Variants in SPAM1 observed in about 807,000 individuals in gnomAD.
SPAM1 encodes sperm adhesion molecule 1.
Under a neutral mutation model 29.6 loss-of-function variants are expected in SPAM1, and 22 were observed. That is an observed-to-expected ratio of 0.74 (90% CI 0.53 to 1.06). SPAM1 has a LOEUF of 1.06. SPAM1 is among the 50% of genes least tolerant of loss of function. The probability of loss-of-function intolerance (pLI) is 0.00; values close to 1 mark genes in which losing one functional copy is unlikely to be tolerated. For synonymous variants in SPAM1, 194 were observed against 204.6 expected (o/e 0.95, Z 0.44); for missense variants, 534 against 604.0 (o/e 0.88, Z 1.21).
intron 1 of SPAM1, among the ~76,000 whole-genome samples, chr7:123,936,445 T>C (rs1414640917): frequency 3.3e-5 from 5 of 152,196 alleles, no homozygotes; most frequent in Admixed American, 3.3e-4. Flanking sequence ...GTTTCACTGG[T>C]ACACAGGACT....
At chr7:123,935,953 T>C (rs1309955682) in intron 1 of SPAM1, among the ~76,000 whole-genome samples, 1 of 152,198 alleles carries the variant, frequency 6.6e-6, no homozygotes, top group African/African-American at 2.4e-5. Context: ...GCAATTAAAT[T>C]TACTTTATGA....
chr7:123,934,439 G>A (rs1440189457), intron 1 of SPAM1, among the ~76,000 whole-genome samples: 6 of 151,866 alleles, frequency 4.0e-5, no homozygotes, highest in African/African-American at 7.2e-5. Context: ...GAGTTTCCTC[G>A]AAAAACTAAA....
downstream of SPAM1, among the ~76,000 whole-genome samples, chr7:123,962,771 T>C (rs115097104): frequency 0.014 from 2,139 of 152,034 alleles, 56 homozygotes; most frequent in African/African-American, 0.049. Context: ...GTCTTCCTTC[T>C]ACAAGTGGCA....
chr7:123,970,210 G>A, exon 6 of SPAM1: 8 of 1,549,190 alleles, frequency 5.2e-6, no homozygotes, highest in Middle Eastern at 1.7e-4. Flanking sequence ...GAGGCTGGAA[G>A]TCTGGGATCA....
chr7:123,956,458 A>G (rs1438708503), intron 4 of SPAM1, among the ~76,000 whole-genome samples: 1 of 152,060 alleles, frequency 6.6e-6, no homozygotes, highest in Non-Finnish European at 1.5e-5. Context: ...ACTTGCAGTT[A>G]CTGGAACTGA....
intron 1 of SPAM1, among the ~76,000 whole-genome samples, chr7:123,943,975 C>A (rs1212818214): frequency 6.6e-6 from 1 of 152,094 alleles, no homozygotes; most frequent in Non-Finnish European, 1.5e-5. Flanking sequence ...CTTTTTATAA[C>A]CTTTATAACC....
Position 123,959,516 on chromosome 7 carries a change from G to A in SPAM1, c.1077G>A (p.Glu359=). The stretch of plus-strand genomic sequence containing the variant: ...GCTTGCTCCTAGACAATTACATGGA[G>A]ACTATACTGAATCCTTACATAATCA... ...KSCLLLDNYM[E]TILNPYIINV... Residue 359 remains glutamate, a synonymous_variant, in exon 5 of 5, where the codon GAG becomes GAA. Transcript: ENST00000682466. 6.2e-7 allele frequency: 1 copy of A among 1,611,896 alleles called. No individual in the cohort carries two copies. Among genetic ancestry groups the A allele is most frequent in the Non-Finnish European group, 8.5e-7 (1 of 1,178,908 alleles).
rs71163712 is a variant in SPAM1 at position 123,929,895 on chromosome 7, ATTT to A, written c.-319+4561_-319+4563del. 7.0e-3 allele frequency among the ~76,000 whole-genome samples: 833 copies of A among 119,792 alleles called. 9 individuals are homozygous for A. Among genetic ancestry groups the A allele is most frequent in the African/African-American group, 0.024 (784 of 32,446 alleles). 78.6% of individuals were successfully genotyped at this position (119,792 alleles called of 152,430 possible). On this transcript the variant is annotated intron_variant, in intron 1 of 4. Transcript: ENST00000682466. Reference sequence around the variant, plus strand: ...AAAGAAGGAAGCTGGGTGTTTAGGGATTTTTTTTTTTTTTTTTTTTGAGGAGTC... The same window carrying A: ...AAAGAAGGAAGCTGGGTGTTTAGGGATTTTTTTTTTTTTTTTTGAGGAGTC...
At chr7:123,937,073 T>C (rs1325132050) in intron 1 of SPAM1, among the ~76,000 whole-genome samples, 2 of 152,226 alleles carry the variant, frequency 1.3e-5, no homozygotes, top group Non-Finnish European at 2.9e-5. Flanking sequence ...ATTTCTTTAA[T>C]GTTCTTAGGC....
chr7:123,968,298 G>T (rs13232441), intron 5 of SPAM1, among the ~76,000 whole-genome samples: 49,998 of 151,950 alleles, frequency 0.33, 9,448 homozygotes, highest in African/African-American at 0.51. Context: ...GGGTGGTAAC[G>T]TCTGAGCTAT....
chr7:123,970,219 C>G, exon 6 of SPAM1: 1 of 1,549,106 alleles, frequency 6.5e-7, no homozygotes, highest in Non-Finnish European at 8.7e-7. Context: ...AGTCTGGGAT[C>G]AAGGTATTAG....
chr7:123,957,138 A>G (rs563259096), intron 4 of SPAM1, among the ~76,000 whole-genome samples: 4 of 152,150 alleles, frequency 2.6e-5, no homozygotes, highest in Admixed American at 6.6e-5. Flanking sequence ...GACAAAGTCT[A>G]TGTACTCTTG....
At chr7:123,967,589 T>C (rs1411902371) in intron 5 of SPAM1, among the ~76,000 whole-genome samples, 1 of 151,762 alleles carries the variant, frequency 6.6e-6, no homozygotes, top group Non-Finnish European at 1.5e-5. Context: ...TGTATGTGCG[T>C]GTGTGTGTGC....
intron 5 of SPAM1, among the ~76,000 whole-genome samples, chr7:123,965,471 T>C (rs1679408860): frequency 6.6e-6 from 1 of 152,066 alleles, no homozygotes; most frequent in Admixed American, 6.6e-5. Flanking sequence ...CTTAAGTTAA[T>C]TTTTGTATAA....
chr7:123,968,977 C>T (rs1584966807), intron 5 of SPAM1, among the ~76,000 whole-genome samples: 1 of 152,008 alleles, frequency 6.6e-6, no homozygotes, highest in Admixed American at 6.6e-5. Flanking sequence ...GGCATTTTCT[C>T]ATTTAATCTC....
Position 123,955,079 on chromosome 7 carries a change from G to T in SPAM1, c.1037G>T (p.Arg346Leu), listed in dbSNP as rs267601263. ...IVIWGTLSIM[R>L]SMKSCLLLDN... ...ATATGGGGAACCCTCAGTATAATGC[G>T]AAGTATGGTAAGTTGAATTGGTAGA... The change falls in exon 4 of 5, where the codon CGA (arginine) becomes CTA (leucine). Residue 346 changes from arginine (R) to leucine (L), a missense_variant. Arg to Leu is a moderately radical substitution (Grantham distance 102). Transcript: ENST00000682466. 1.2e-6 allele frequency: 2 copies of T among 1,604,274 alleles called. No homozygotes were observed. The highest frequency in any genetic ancestry group is 2.7e-5 in the African/African-American group (2 of 74,708).
chr7:123,939,179 G>A lies in SPAM1; in HGVS notation c.-318-10693G>A, dbSNP rs1337576823. On this transcript the variant is annotated intron_variant, in intron 1 of 4. Transcript: ENST00000682466. ...CGGCTCACTGCAAGCTCCGCCTCCCGGGTTCACGCCATTCTCCTGCCTCAG... is the reference window on the plus strand; with the variant it reads ...CGGCTCACTGCAAGCTCCGCCTCCCAGGTTCACGCCATTCTCCTGCCTCAG... 2.7e-5 allele frequency among the ~76,000 whole-genome samples: 4 copies of A among 150,084 alleles called. No individual in the cohort carries two copies. The East Asian group carries it at 8.0e-4, about 30-fold the overall frequency.
intron 2 of SPAM1, among the ~76,000 whole-genome samples, chr7:123,952,238 A>G (rs1287173593): frequency 6.6e-6 from 1 of 152,134 alleles, no homozygotes; most frequent in Non-Finnish European, 1.5e-5. Context: ...TCAAAACATG[A>G]GACTATAATA....
At position 123,953,803 on chromosome 7, in the gene SPAM1, GC is replaced by G; in HGVS notation, c.238del (p.Arg80GlufsTer2). 1.2e-6 allele frequency: 2 copies of G among 1,612,372 alleles called. No individual in the cohort carries two copies. The highest frequency in any genetic ancestry group is 1.7e-6 in the Non-Finnish European group (2 of 1,179,360). ...LDMSLFSFIG[S>X]PRINATGQGV... Reference sequence around the variant, plus strand: ...ATGAGCCTCTTCTCTTTCATAGGAAGCCCCCGAATAAACGCCACCGGGCAAG... The same window carrying G: ...ATGAGCCTCTTCTCTTTCATAGGAAGCCCCGAATAAACGCCACCGGGCAAG... On this transcript the variant is annotated frameshift_variant, in exon 3 of 5. Coordinates refer to ENST00000682466, the MANE Select transcript of SPAM1 (RefSeq NM_153189.3). LOFTEE classifies it high-confidence loss of function.
Sources: gnomAD v4.1 joint callset for allele counts (sites outside exome capture counted in the v4.1 genomes callset) on GRCh38, gnomAD v4.1.1 for gene constraint, MANE v1.5 for transcripts, NCBI Gene and HGNC (gene_info 2026-07-23, HGNC 2026-07-21) for gene names.